Variants in CREB3L2 observed in about 807,000 individuals in gnomAD.
The protein encoded by CREB3L2 is cyclic AMP-responsive element-binding protein 3-like protein 2.
A neutral mutation model predicts 57.2 loss-of-function variants in CREB3L2; 23 were observed. The ratio of observed to expected loss-of-function variants is 0.40; its 90% confidence interval spans 0.29 to 0.57. CREB3L2 has a LOEUF of 0.57. CREB3L2 is among the 20% of genes least tolerant of loss of function. The pLI, the probability that CREB3L2 is intolerant of heterozygous loss-of-function variation, is 0.42. For synonymous variants in CREB3L2, 268 were observed against 265.1 expected (o/e 1.01, Z -0.11); for missense variants, 628 against 634.7 (o/e 0.99, Z 0.11).
Position 137,948,629 on chromosome 7 carries a change from C to T in CREB3L2, c.103-20263G>A, listed in dbSNP as rs540779952. On this transcript the variant is annotated intron_variant, in intron 1 of 11. Transcript: ENST00000330387. ...GGTAAATATTAGCATTTAAGAGGAT[C>T]ATCTTGGCTATTCAAAAGCGTGCTG... Among the ~76,000 whole-genome samples the T allele has an allele frequency of 2.6e-5, 4 of 152,248 alleles. No homozygotes were observed. The South Asian group carries it at 8.3e-4, about 32-fold the overall frequency.
chr7:137,991,515 T>C (rs538872559), intron 1 of CREB3L2, among the ~76,000 whole-genome samples: 13 of 152,272 alleles, frequency 8.5e-5, no homozygotes, highest in South Asian at 6.2e-4. Flanking sequence ...ATAACACATG[T>C]AATACCATTG....
intron 2 of CREB3L2, among the ~76,000 whole-genome samples, chr7:137,927,312 G>T (rs6950782): frequency 7.2e-6 from 1 of 138,776 alleles, no homozygotes; most frequent in Admixed American, 7.1e-5. Flanking sequence ...GAGGGGAAGG[G>T]AGGCAGGGAG....
chr7:137,882,707 G>T, intron 10 of CREB3L2, 79 bp from the exon 11 acceptor site: 1 of 984,190 alleles, frequency 1.0e-6, no homozygotes, highest in Non-Finnish European at 1.5e-6. Context: ...AGGTGCTCAG[G>T]GCTGGTGGCA....
intron 2 of CREB3L2, among the ~76,000 whole-genome samples, chr7:137,920,234 T>G (rs1439417854): frequency 6.6e-6 from 1 of 152,212 alleles, no homozygotes; most frequent in African/African-American, 2.4e-5. Context: ...GATGTACCAT[T>G]GGTATGTGAG....
At chr7:137,998,012 T>C (rs1040801757) in intron 1 of CREB3L2, among the ~76,000 whole-genome samples, 11 of 152,190 alleles carry the variant, frequency 7.2e-5, no homozygotes, top group Admixed American at 5.9e-4. Context: ...TGAATTAAAA[T>C]AACATTTCAT....
At chr7:137,928,391 C>G (rs768880312) in intron 1 of CREB3L2, 25 bp from the exon 2 acceptor site, 12 of 1,584,138 alleles carry the variant, frequency 7.6e-6, no homozygotes, top group Non-Finnish European at 9.5e-6. Flanking sequence ...GGAGGAAGAA[C>G]TCAGTTTCTC....
At chr7:137,915,422 C>T (rs987250156) in intron 3 of CREB3L2, among the ~76,000 whole-genome samples, 1 of 152,062 alleles carries the variant, frequency 6.6e-6, no homozygotes, top group African/African-American at 2.4e-5. Context: ...CAGCATCTCA[C>T]TAGGAAAGTA....
chr7:137,937,019 G>C (rs1322498192), intron 1 of CREB3L2, among the ~76,000 whole-genome samples: 2 of 152,152 alleles, frequency 1.3e-5, no homozygotes, highest in Non-Finnish European at 2.9e-5. Context: ...AACCTGGGCT[G>C]GCAACAAGAG....
intron 1 of CREB3L2, among the ~76,000 whole-genome samples, chr7:137,952,578 G>A (rs555675590): frequency 3.3e-5 from 5 of 152,128 alleles, no homozygotes; most frequent in Admixed American, 6.5e-5. Context: ...CTGCTTTCCC[G>A]CCTTTGCACT....
At chr7:137,905,875 G>A (rs200132687) in intron 5 of CREB3L2, 27 bp from the exon 6 acceptor site, 540 of 1,565,844 alleles carry the variant, frequency 3.4e-4, no homozygotes, top group Non-Finnish European at 4.3e-4. Flanking sequence ...GCAGAAAAGG[G>A]TCAAAGAAAA....
rs368855415 is a variant in CREB3L2, at chr7:137,882,379, T to C, written c.1487+33A>G. 3.6e-5 allele frequency: 55 copies of C among 1,540,424 alleles called. 1 individual carries two copies. The highest frequency in any genetic ancestry group is 1.5e-4 in the South Asian group (13 of 86,980). ...GACTCATAACCCACCATCAGTGCAC[T>C]AGAGGAGTTGGCTCTGTGTCTCTAT... On this transcript the variant is annotated intron_variant, in intron 11 of 11. Transcript: ENST00000330387.
chr7:137,879,604 T>C lies in CREB3L2; in HGVS notation c.*872A>G, dbSNP rs1357664261. ...AAAACAAAGGAAAGGAAACAAAACA[T>C]TGTCTGGAAAGACACGGGATCCCAG... On this transcript the variant is annotated 3_prime_UTR_variant, in exon 12 of 12. Transcript: ENST00000330387. The C allele has an allele frequency of 4.1e-6, 1 of 245,604 alleles. No individual in the cohort carries two copies. Among genetic ancestry groups the C allele is most frequent in the African/African-American group, 2.2e-5 (1 of 45,286 alleles). 15.2% of individuals were successfully genotyped at this position (245,604 alleles called of 1,614,324 possible).
chr7:137,996,692 C>T lies in CREB3L2; in HGVS notation c.102+4912G>A, dbSNP rs145430289. Among the ~76,000 whole-genome samples the T allele has an allele frequency of 1.8e-4, 27 of 152,356 alleles. No individual in the cohort carries two copies. The East Asian group carries it at 4.6e-3, about 26-fold the overall frequency. ...AAGACATGGAAGCCAGATGGCCTTT[C>T]CATCTGGACACCAGGCAGGTCGAAT... On this transcript the variant is annotated intron_variant, in intron 1 of 11. Coordinates refer to ENST00000330387, the MANE Select transcript of CREB3L2 (RefSeq NM_194071.4).
intron 8 of CREB3L2, among the ~76,000 whole-genome samples, chr7:137,900,050 T>C (rs957286412): frequency 3.3e-5 from 5 of 152,184 alleles, no homozygotes; most frequent in Non-Finnish European, 7.3e-5. Flanking sequence ...GACAGGAGTC[T>C]CTAAGAAATA....
At chr7:137,973,808 A>C (rs941608831) in intron 1 of CREB3L2, among the ~76,000 whole-genome samples, 2 of 152,214 alleles carry the variant, frequency 1.3e-5, no homozygotes, top group African/African-American at 4.8e-5. Context: ...TCATATTCAC[A>C]GTTAAATTCT....
At chr7:137,947,407 G>T (rs1585650359) in intron 1 of CREB3L2, among the ~76,000 whole-genome samples, 2 of 152,244 alleles carry the variant, frequency 1.3e-5, no homozygotes, top group South Asian at 4.2e-4. Flanking sequence ...CATTCTTGAG[G>T]AGGAAAAATG....
intron 6 of CREB3L2, among the ~76,000 whole-genome samples, chr7:137,905,336 G>A (rs1799861636): frequency 6.8e-6 from 1 of 146,898 alleles, no homozygotes; most frequent in African/African-American, 2.5e-5. Context: ...ACATATATAT[G>A]TCTACTAGAG....
chr7:137,911,425 T>C (rs1006255616), intron 4 of CREB3L2, among the ~76,000 whole-genome samples: 1 of 152,252 alleles, frequency 6.6e-6, no homozygotes, highest in African/African-American at 2.4e-5. Flanking sequence ...GAAGTGCTCA[T>C]ATGTAAACAT....
chr7:137,908,431 C>T lies in CREB3L2; in HGVS notation c.589G>A (p.Val197Met). 2 of 1,263,910 alleles carry T rather than the reference C, an allele frequency of 1.6e-6. No individual in the cohort carries two copies. Among genetic ancestry groups the T allele is most frequent in the Non-Finnish European group, 2.0e-6 (2 of 996,922 alleles). 78.3% of individuals were successfully genotyped at this position (1,263,910 alleles called of 1,614,324 possible). The change falls in exon 5 of 12, where the codon GTG becomes ATG. Residue 197 changes from valine (V) to methionine (M), a missense_variant. By Grantham distance (21) the Val-to-Met change is conservative (BLOSUM62 1). This residue lies in a region of CREB3L2 where 339 missense variants were observed against 355.4 expected (regional missense o/e 0.95). Coordinates refer to ENST00000330387, the MANE Select transcript of CREB3L2 (RefSeq NM_194071.4). ...GTGGGCGGCAAATGCAGGTGGTCCA[C>T]TGGGGCTGCAAAAAAGGAAGCACAT... ...FLNFSPKEAP[V>M]DHLHLPPTPP...
Sources: allele counts gnomAD v4.1 joint callset (sites outside exome capture counted in the v4.1 genomes callset), GRCh38; gene constraint gnomAD v4.1.1; regional missense constraint gnomAD v4.1.1; transcripts MANE v1.5; gene names NCBI Gene and HGNC (gene_info 2026-07-23, HGNC 2026-07-21).